ATP2B3: variants seen among roughly 807,000 people sequenced by gnomAD.
The protein encoded by ATP2B3 is plasma membrane calcium-transporting ATPase 3.
ATP2B3 carries 12 observed loss-of-function variants against 70.8 expected under a neutral mutation model. The observed-to-expected ratio is 0.17, with a 90% CI of 0.11 to 0.27. The LOEUF (loss-of-function observed/expected upper bound fraction) is 0.27, where lower values mean the gene tolerates loss of function less well. Ranked by LOEUF, ATP2B3 falls within the 10% of genes least tolerant of loss-of-function variation. The probability of loss-of-function intolerance (pLI) is 1.00; values close to 1 mark genes in which losing one functional copy is unlikely to be tolerated. For missense variants in ATP2B3, 858 were observed against 1,118.5 expected, an observed-to-expected ratio of 0.77 and a Z score of 3.32; for synonymous variants, 460 against 497.8, an observed-to-expected ratio of 0.92 and a Z score of 1.01.
At position 153,553,172 on chromosome X, in the gene ATP2B3, C is replaced by A; in HGVS notation, c.1961C>A (p.Ser654Tyr). ...RTICIAYRDF[S>Y]AGQEPDWDNE... is the part of the protein sequence containing the mutation. ...ATCTGCATCGCCTACCGGGACTTCT[C>A]TGCAGGCCAGGAGCCCGACTGGGAC... is the stretch of plus-strand genomic sequence containing the variant. Residue 654 changes from serine (S) to tyrosine (Y), a missense_variant, in exon 13 of 22, where the codon TCT becomes TAT. Around this residue, in one of 5 missense-constraint regions of ATP2B3, gnomAD observed 242 missense variants for 281.3 expected, o/e 0.86. Transcript: ENST00000263519. 1 of 1,212,070 alleles carries A rather than the reference C, an allele frequency of 8.3e-7. No homozygotes were observed. The highest frequency in any genetic ancestry group is 1.8e-5 in the South Asian group (1 of 57,004).
intron 21 of ATP2B3, among the ~76,000 whole-genome samples, chrX:153,578,897 G>A (rs1408589940): frequency 8.9e-6 from 1 of 112,620 alleles, no homozygotes; most frequent in Non-Finnish European, 1.9e-5. Flanking sequence ...AGTCAGACAC[G>A]GGGGCTGTGA....
intron 21 of ATP2B3, among the ~76,000 whole-genome samples, chrX:153,568,222 C>A (rs1195360084): frequency 8.9e-6 from 1 of 111,819 alleles, no homozygotes; most frequent in Non-Finnish European, 1.9e-5. Context: ...CTTTCTGAAG[C>A]GCTCATGACT....
At position 153,549,774 on chromosome X, in the gene ATP2B3, G is replaced by A. The variant is rs369701657; in HGVS notation, c.1581+35G>A. The A allele has an allele frequency of 1.2e-4, 139 of 1,191,277 alleles. No homozygotes were observed. In the African/African-American group the frequency reaches 2.2e-3, roughly 19 times the overall value. On this transcript the variant is annotated intron_variant, in intron 11 of 21. Transcript: ENST00000263519. Reference sequence around the variant, plus strand: ...GGCAGGAGCGGGCGGGCAGGGCCGGGGGCAGGAGCAGGGGAGGGTCCTGGC... The same window carrying A: ...GGCAGGAGCGGGCGGGCAGGGCCGGAGGCAGGAGCAGGGGAGGGTCCTGGC...
chrX:153,577,073 G>A (rs937057420), intron 21 of ATP2B3, among the ~76,000 whole-genome samples: 2 of 112,758 alleles, frequency 1.8e-5, no homozygotes, highest in African/African-American at 6.4e-5. Flanking sequence ...ATGTTGGGGG[G>A]CAGCCCTTCC....
At chrX:153,545,878 C>T (rs781872266) in intron 7 of ATP2B3, among the ~76,000 whole-genome samples, 245 of 111,644 alleles carry the variant, frequency 2.2e-3, no homozygotes, top group African/African-American at 7.6e-3. Context: ...AGCTTAAGGC[C>T]GAAGGGGAGC....
chrX:153,552,669 A>G (rs1478958503), intron 12 of ATP2B3, among the ~76,000 whole-genome samples: 2 of 112,580 alleles, frequency 1.8e-5, no homozygotes, highest in Non-Finnish European at 1.9e-5. Context: ...GCAGCAGTGC[A>G]TGAGCGTCCT....
rs782286244 is a variant in ATP2B3, at chrX:153,547,819, G to A, written c.959-16G>A. ...GCCAGGCACTGACCTTGGCCATGGG[G>A]TTCCTCTGTGTGCAGCTAAGAAGCA... On this transcript the variant is annotated splice_polypyrimidine_tract_variant and intron_variant, in intron 8 of 21. Coordinates refer to ENST00000263519, the MANE Select transcript of ATP2B3 (RefSeq NM_001001344.3). The A allele has an allele frequency of 2.1e-5, 24 of 1,170,563 alleles. No homozygotes were observed. In the East Asian group the frequency reaches 4.3e-4, roughly 21 times the overall value.
Position 153,559,928 on chromosome X carries a change from C to A in ATP2B3, c.2825C>A (p.Thr942Asn). 1 of 1,210,428 alleles carries A rather than the reference C, an allele frequency of 8.3e-7. No homozygotes were observed. The highest frequency in any genetic ancestry group is 1.1e-6 in the Non-Finnish European group (1 of 894,231). ...HAVYQLAIIF[T>N]LLFVGELFFD... ...GTGTACCAGCTCGCCATCATCTTCACCCTGCTGTTTGTCGGTAGGCTGGCC... is the reference window on the plus strand; with the variant it reads ...GTGTACCAGCTCGCCATCATCTTCAACCTGCTGTTTGTCGGTAGGCTGGCC... The change falls in exon 18 of 22, where the codon ACC (threonine) becomes AAC (asparagine). Residue 942 changes from threonine (T) to asparagine (N), a missense_variant. By Grantham distance (65) the Thr-to-Asn change is moderately conservative (BLOSUM62 0). Transcript: ENST00000263519.
chrX:153,557,566 C>T (rs1221693196), intron 16 of ATP2B3, among the ~76,000 whole-genome samples: 2 of 112,219 alleles, frequency 1.8e-5, no homozygotes, highest in African/African-American at 3.2e-5. Context: ...TCCCAGCACC[C>T]GTAGCCCAGA....
intron 13 of ATP2B3, 26 bp downstream of exon 13, chrX:153,553,295 G>A: frequency 8.5e-7 from 1 of 1,172,545 alleles, no homozygotes; most frequent in Non-Finnish European, 1.2e-6. Flanking sequence ...TCTGTGAGCT[G>A]CCCTGGTAAC....
chrX:153,542,063 T>TG, intron 5 of ATP2B3, 137 bp downstream of exon 5: 2 of 102,797 alleles, frequency 1.9e-5, no homozygotes, highest in East Asian at 2.6e-4. Context: ...AGGCGGGAGG[T>TG]GGCGGGGGTG....
At chrX:153,566,715 C>A (rs1178380141) in intron 21 of ATP2B3, among the ~76,000 whole-genome samples, 1 of 110,938 alleles carries the variant, frequency 9.0e-6, no homozygotes, top group Non-Finnish European at 1.9e-5. Flanking sequence ...GTCACCCCAA[C>A]CTTCCTGCAC....
At chrX:153,530,135 G>A (rs994797522) in intron 2 of ATP2B3, among the ~76,000 whole-genome samples, 2 of 112,693 alleles carry the variant, frequency 1.8e-5, no homozygotes, top group African/African-American at 3.2e-5. Context: ...TGGCTGCACC[G>A]TCTTCCATTC....
At chrX:153,542,269 G>A (rs2090297139) in intron 5 of ATP2B3, 54 bp from the exon 6 acceptor site, 4 of 1,201,636 alleles carry the variant, frequency 3.3e-6, no homozygotes, top group African/African-American at 1.7e-5. Context: ...ACCTCCCCTG[G>A]GGCAGCCGGG....
intron 21 of ATP2B3, chrX:153,569,721 TTC>T: frequency 8.3e-7 from 1 of 1,211,430 alleles, no homozygotes; most frequent in South Asian, 1.8e-5. Flanking sequence ...ACTCACGCAA[TTC>T]TCTCTGCTGC....
chrX:153,552,726 C>T (rs1275995601), intron 12 of ATP2B3, among the ~76,000 whole-genome samples: 2 of 112,352 alleles, frequency 1.8e-5, no homozygotes, highest in African/African-American at 6.5e-5. Context: ...TTCTGGAGGC[C>T]GGAAGTCCAA....
At position 153,567,691 on chromosome X, in the gene ATP2B3, C is replaced by T. The variant is rs192455910; in HGVS notation, c.3342+2588C>T. 3.3e-3 allele frequency among the ~76,000 whole-genome samples: 370 copies of T among 111,987 alleles called. 1 individual carries two copies. Among genetic ancestry groups the T allele is most frequent in the Non-Finnish European group, 5.6e-3 (296 of 53,108 alleles). ...CAGAGTCTTAGAGTTCCAGGCTGTTCCAATTGTCGGTGCTCACAGAGACAC... is the reference window on the plus strand; with the variant it reads ...CAGAGTCTTAGAGTTCCAGGCTGTTTCAATTGTCGGTGCTCACAGAGACAC... On this transcript the variant is annotated intron_variant, in intron 21 of 21. Transcript: ENST00000263519.
intron 17 of ATP2B3, chrX:153,559,427 C>A: frequency 6.1e-6 from 2 of 328,372 alleles, no homozygotes. Context: ...GCAGCCCTCA[C>A]TCTGTTGCCC....
At chrX:153,564,177 G>A (rs1421023874) in intron 20 of ATP2B3, among the ~76,000 whole-genome samples, 1 of 112,975 alleles carries the variant, frequency 8.9e-6, no homozygotes, top group African/African-American at 3.2e-5. Context: ...TCCAGGAGAT[G>A]CCCTCTCCAG....
Sources: gnomAD v4.1 joint callset for allele counts (sites outside exome capture counted in the v4.1 genomes callset) on GRCh38, gnomAD v4.1.1 for gene constraint, gnomAD v4.1.1 regional missense constraint, MANE v1.5 for transcripts, NCBI Gene and HGNC (gene_info 2026-07-23, HGNC 2026-07-21) for gene names.